The following GRIK2 variants were observed in gnomAD, a reference collection of about 807,000 sequenced individuals.
GRIK2 encodes glutamate ionotropic receptor kainate type subunit 2, also known as glutamate receptor ionotropic, kainate 2.
GRIK2 carries 32 observed loss-of-function variants against 100.3 expected under a neutral mutation model. That is an observed-to-expected ratio of 0.32 (90% confidence interval 0.24 to 0.43). GRIK2 has a LOEUF of 0.43. Ranked by LOEUF, GRIK2 falls within the 20% of genes least tolerant of loss-of-function variation. GRIK2 has a pLI of 1.00. For synonymous variants in GRIK2, 417 were observed against 389.4 expected, an observed-to-expected ratio of 1.07 and a Z score of -0.83; for missense variants, 843 against 1,114.9, an observed-to-expected ratio of 0.76 and a Z score of 3.47.
intron 2 of GRIK2, among the ~76,000 whole-genome samples, chr6:101,594,664 A>G (rs1171826322): frequency 1.3e-5 from 2 of 151,814 alleles, no homozygotes; most frequent in African/African-American, 2.4e-5. Flanking sequence ...ATTGGTGACA[A>G]GTTGGCTCTT....
chr6:101,415,008 G>T (rs1011485157), intron 2 of GRIK2, among the ~76,000 whole-genome samples: 1 of 80,452 alleles, frequency 1.2e-5, no homozygotes, highest in East Asian at 3.9e-4. Context: ...GGTGTGTGGG[G>T]TGTGTGTGTG....
intron 14 of GRIK2, among the ~76,000 whole-genome samples, chr6:101,994,774 T>C (rs1794562767): frequency 6.6e-6 from 1 of 151,874 alleles, no homozygotes; most frequent in South Asian, 2.1e-4. Flanking sequence ...ACATAGCATC[T>C]TGAATTGATA....
intron 7 of GRIK2, among the ~76,000 whole-genome samples, chr6:101,728,315 ATG>A (rs1322868308): frequency 6.6e-6 from 1 of 152,064 alleles, no homozygotes; most frequent in Non-Finnish European, 1.5e-5. Flanking sequence ...AGTATATACT[ATG>A]TGCTAAATAA....
chr6:101,659,238 C>T (rs1455543753), intron 4 of GRIK2, among the ~76,000 whole-genome samples: 4 of 152,140 alleles, frequency 2.6e-5, no homozygotes, highest in East Asian at 1.9e-4. Flanking sequence ...TATGACCAGC[C>T]AGTTTTCCCA....
chr6:101,651,023 T>C lies in GRIK2; in HGVS notation c.541+24386T>C, dbSNP rs570680611. 4.7e-3 allele frequency among the ~76,000 whole-genome samples: 316 copies of C among 67,094 alleles called. 4 individuals are homozygous for C. The highest frequency in any genetic ancestry group is 0.017 in the African/African-American group (293 of 17,724). 44.0% of individuals were successfully genotyped at this position (67,094 alleles called of 152,430 possible). A position where few individuals can be genotyped will look rare whatever the true frequency, so the allele number is the denominator to read the frequency against. On this transcript the variant is annotated intron_variant, in intron 4 of 16. Coordinates refer to ENST00000369134, the MANE Select transcript of GRIK2 (RefSeq NM_021956.5). ...CTTTTTCTTTTTTTTTTTTTTTTTTTGGCAACAAATAGCTTTCTTTTAAAT... is the reference window on the plus strand; with the variant it reads ...CTTTTTCTTTTTTTTTTTTTTTTTTCGGCAACAAATAGCTTTCTTTTAAAT...
rs1353576215 is a variant in GRIK2, at chr6:101,527,981, G to C, written c.116-93968G>C. Among the ~76,000 whole-genome samples the C allele has an allele frequency of 2.6e-5, 4 of 152,076 alleles. No individual in the cohort carries two copies. In the East Asian group the frequency reaches 7.7e-4, roughly 29 times the overall value. ...CATGGAGGGGTGGCATGGATTTGTA[G>C]GGTCTGTGGGCTATGGCATAGGACT... is the stretch of plus-strand genomic sequence containing the variant. On this transcript the variant is annotated intron_variant, in intron 2 of 16. Coordinates refer to ENST00000369134, the MANE Select transcript of GRIK2 (RefSeq NM_021956.5).
intron 14 of GRIK2, among the ~76,000 whole-genome samples, chr6:101,959,136 G>T (rs1271883045): frequency 6.6e-6 from 1 of 151,978 alleles, no homozygotes. Context: ...CAATAAAATT[G>T]ATCAATTTTA....
intron 2 of GRIK2, among the ~76,000 whole-genome samples, chr6:101,552,695 C>G (rs966065593): frequency 6.6e-6 from 1 of 152,166 alleles, no homozygotes; most frequent in Non-Finnish European, 1.5e-5. Context: ...TCTGCCCAGA[C>G]AGATGTGTCT....
chr6:101,791,219 C>T (rs1779829989), intron 7 of GRIK2, among the ~76,000 whole-genome samples: 1 of 152,112 alleles, frequency 6.6e-6, no homozygotes, highest in Non-Finnish European at 1.5e-5. Context: ...CAGTTCTGCT[C>T]TGATTTTAGT....
At chr6:101,797,957 A>G (rs1282642556) in intron 7 of GRIK2, among the ~76,000 whole-genome samples, 2 of 150,988 alleles carry the variant, frequency 1.3e-5, no homozygotes, top group East Asian at 3.9e-4. Context: ...ATTTTTCAAA[A>G]CATGATTTTT....
At chr6:101,640,453 G>A (rs192652394) in intron 4 of GRIK2, among the ~76,000 whole-genome samples, 1 of 152,218 alleles carries the variant, frequency 6.6e-6, no homozygotes, top group Admixed American at 6.5e-5. Flanking sequence ...TCCCAACATA[G>A]CAATTGTGCT....
chr6:101,693,753 G>C (rs944357461), intron 7 of GRIK2, among the ~76,000 whole-genome samples: 6 of 151,804 alleles, frequency 4.0e-5, no homozygotes, highest in South Asian at 2.1e-4. Context: ...ATCTAATATG[G>C]CACTTGTAGG....
intron 7 of GRIK2, among the ~76,000 whole-genome samples, chr6:101,777,655 A>G (rs1223953716): frequency 6.6e-6 from 1 of 152,132 alleles, no homozygotes; most frequent in Non-Finnish European, 1.5e-5. Context: ...GAATTCATAA[A>G]CTTCTATTCT....
intron 7 of GRIK2, among the ~76,000 whole-genome samples, chr6:101,756,065 C>A (rs981217549): frequency 6.6e-6 from 1 of 152,130 alleles, no homozygotes; most frequent in Admixed American, 6.6e-5. Flanking sequence ...CCCTCCCCCC[C>A]AGGTTTTGTG....
At position 102,021,656 on chromosome 6, in the gene GRIK2, T is replaced by C. The variant is rs558760666; in HGVS notation, c.2086-13685T>C. 2.0e-5 allele frequency among the ~76,000 whole-genome samples: 3 copies of C among 151,790 alleles called. No individual in the cohort carries two copies. The Admixed American group carries it at 2.0e-4, about 10-fold the overall frequency. ...AGTATTTTTTCAGACTCGTATATTA[T>C]ATTCAGTTTTCAGTTTGCACCATAT... On this transcript the variant is annotated intron_variant, in intron 14 of 16. Transcript: ENST00000369134.
At chr6:101,939,950 G>A (rs2791806) in intron 14 of GRIK2, among the ~76,000 whole-genome samples, 3,054 of 152,124 alleles carry the variant, frequency 0.02, 109 homozygotes, top group African/African-American at 0.071. Context: ...CAATTAGGGA[G>A]GTGTTTCAGA....
At chr6:101,497,452 T>A (rs1307526774) in intron 2 of GRIK2, among the ~76,000 whole-genome samples, 1 of 152,096 alleles carries the variant, frequency 6.6e-6, no homozygotes, top group Non-Finnish European at 1.5e-5. Flanking sequence ...CAAGTGTAGA[T>A]CTTTAGTTTG....
rs533460210 is a variant in GRIK2 at position 101,813,913 on chromosome 6, G to C, written c.1204-4457G>C. Among the ~76,000 whole-genome samples the C allele has an allele frequency of 2.3e-4, 35 of 150,062 alleles. No individual in the cohort carries two copies. The South Asian group carries it at 7.3e-3, about 31-fold the overall frequency. ...CAGGAAGTAGAGGTTGCAGTGAGCC[G>C]ACATTGTGCCAGTGCACTCCAGCTT... is the stretch of plus-strand genomic sequence containing the variant. On this transcript the variant is annotated intron_variant, in intron 9 of 16. Transcript: ENST00000369134.
intron 11 of GRIK2, among the ~76,000 whole-genome samples, chr6:101,885,548 A>G (rs568940300): frequency 2.0e-5 from 3 of 152,260 alleles, no homozygotes; most frequent in East Asian, 3.9e-4. Flanking sequence ...GAGTATCAAT[A>G]GAGGTGAAAA....
Sources: allele counts gnomAD v4.1 joint callset (sites outside exome capture counted in the v4.1 genomes callset), GRCh38; gene constraint gnomAD v4.1.1; transcripts MANE v1.5; gene names NCBI Gene and HGNC (gene_info 2026-07-23, HGNC 2026-07-21).